The following TMEM87A variants were observed in gnomAD, a reference collection of about 807,000 sequenced individuals.
TMEM87A encodes the protein Golgi-pH regulating cation channel.
TMEM87A carries 50 observed loss-of-function variants against 90.0 expected under a neutral mutation model. That is an observed-to-expected ratio of 0.56 (90% CI 0.44 to 0.70). The LOEUF (loss-of-function observed/expected upper bound fraction) is 0.70. Among genes scored for constraint, TMEM87A ranks in the 30% least tolerant of loss-of-function variants. The pLI, the probability that TMEM87A is intolerant of heterozygous loss-of-function variation, is 0.00. For missense variants in TMEM87A, 577 were observed against 660.5 expected (o/e 0.87, Z 1.39); for synonymous variants, 226 against 226.7 (o/e 1.00, Z 0.03).
intron 4 of TMEM87A, 98 bp downstream of exon 4, chr15:42,263,992 A>G (rs928937070): frequency 5.7e-6 from 5 of 870,232 alleles, no homozygotes; most frequent in African/African-American, 1.7e-5. Flanking sequence ...ACTTCTGCCA[A>G]AAGAAATACT....
At chr15:42,223,445 T>C (rs2050533241) in intron 15 of TMEM87A, among the ~76,000 whole-genome samples, 1 of 152,214 alleles carries the variant, frequency 6.6e-6, no homozygotes, top group South Asian at 2.1e-4. Flanking sequence ...ACAGTCTGAA[T>C]GTCTGTCCCC....
At chr15:42,236,682 A>C (rs558912682) in intron 9 of TMEM87A, among the ~76,000 whole-genome samples, 1 of 152,280 alleles carries the variant, frequency 6.6e-6, no homozygotes, top group South Asian at 2.1e-4. Flanking sequence ...CTTTAACAGA[A>C]TACCTCACCC....
At chr15:42,271,782 T>C (rs2051530896) in intron 2 of TMEM87A, among the ~76,000 whole-genome samples, 1 of 151,196 alleles carries the variant, frequency 6.6e-6, no homozygotes, top group Admixed American at 6.6e-5. Context: ...CAATGTAGTA[T>C]ATACAGCATA....
In TMEM87A at chr15:42,244,030, A is replaced by T. The variant is rs893286319; in HGVS notation, c.622+20T>A. 16 of 1,307,760 alleles carry T rather than the reference A, an allele frequency of 1.2e-5. No homozygotes were observed. Among genetic ancestry groups the T allele is most frequent in the Non-Finnish European group, 1.7e-5 (16 of 953,910 alleles). 81.0% of individuals were successfully genotyped at this position (1,307,760 alleles called of 1,614,324 possible). On this transcript the variant is annotated intron_variant, in intron 7 of 19. Coordinates refer to ENST00000389834, the MANE Select transcript of TMEM87A (RefSeq NM_015497.5). ...ATAACCAGATAATAACATAACCATT[A>T]AAAAAAAAACTGAACTTACTGGTAA...
intron 1 of TMEM87A, chr15:42,272,989 C>T: frequency 4.8e-6 from 3 of 626,266 alleles, no homozygotes; most frequent in Non-Finnish European, 8.8e-6. Flanking sequence ...AAGTCAGGCA[C>T]TGAAAGTTCT....
Position 42,211,634 on chromosome 15 carries a change from C to T in TMEM87A, c.*74G>A, listed in dbSNP as rs919662145. On this transcript the variant is annotated 3_prime_UTR_variant, in exon 20 of 20. Transcript: ENST00000389834. ...ATTGCTTCCTTTAATCCCATGGAGC[C>T]GTACAGAAGACTGACACAGATGCTG... 20 of 1,419,400 alleles carry T rather than the reference C, an allele frequency of 1.4e-5. No homozygotes were observed. The highest frequency in any genetic ancestry group is 3.6e-5 in the Admixed American group (2 of 54,960). The allele number at this position is 1,419,400 out of a possible 1,614,324, so 87.9% of individuals were successfully genotyped here. A position where few individuals can be genotyped will look rare whatever the true frequency, so the allele number is the denominator to read the frequency against.
In TMEM87A at chr15:42,211,594, A is replaced by T; in HGVS notation, c.*114T>A. The T allele has an allele frequency of 9.6e-7, 1 of 1,036,894 alleles. No homozygotes were observed. Among genetic ancestry groups the T allele is most frequent in the Non-Finnish European group, 1.4e-6 (1 of 697,362 alleles). 64.2% of individuals were successfully genotyped at this position (1,036,894 alleles called of 1,614,324 possible). A position where few individuals can be genotyped will look rare whatever the true frequency, so the allele number is the denominator to read the frequency against. ...AACTCCAATGCCCAAAGATCAAGGA[A>T]CAGATCAGGATGTCATTGCTTCCTT... is the stretch of plus-strand genomic sequence containing the variant. On this transcript the variant is annotated 3_prime_UTR_variant, in exon 20 of 20. Transcript: ENST00000389834.
intron 6 of TMEM87A, among the ~76,000 whole-genome samples, chr15:42,255,775 GTT>G (rs762972516): frequency 2.2e-5 from 3 of 139,486 alleles, no homozygotes. Flanking sequence ...ATAGATTTTT[GTT>G]TTTTTTTTTT....
chr15:42,236,729 CATTT>C (rs1226059784), intron 9 of TMEM87A, among the ~76,000 whole-genome samples: 5 of 152,164 alleles, frequency 3.3e-5, no homozygotes, highest in Non-Finnish European at 5.9e-5. Flanking sequence ...CAATTTCCCC[CATTT>C]TTAAAAACTG....
At chr15:42,238,749 CTTTT>C (rs374648537) in intron 8 of TMEM87A, among the ~76,000 whole-genome samples, 1 of 119,596 alleles carries the variant, frequency 8.4e-6, no homozygotes, top group Non-Finnish European at 1.7e-5. Context: ...GTGAGACTCT[CTTTT>C]TTTTTTTTTT....
At chr15:42,261,363 A>G in intron 4 of TMEM87A, 114 bp from the exon 5 acceptor site, 2 of 715,240 alleles carry the variant, frequency 2.8e-6, no homozygotes, top group Admixed American at 3.4e-5. Flanking sequence ...ACTAGTAAAT[A>G]TAATAACACA....
intron 16 of TMEM87A, among the ~76,000 whole-genome samples, 174 bp downstream of exon 16, chr15:42,219,888 G>A (rs2050443398): frequency 6.6e-6 from 1 of 152,114 alleles, no homozygotes; most frequent in Admixed American, 6.5e-5. Flanking sequence ...TACTTAATGT[G>A]CAATTACTTA....
intron 12 of TMEM87A, among the ~76,000 whole-genome samples, chr15:42,230,490 A>G (rs555123985): frequency 6.6e-6 from 1 of 152,366 alleles, no homozygotes; most frequent in Admixed American, 6.5e-5. Flanking sequence ...TCAATAAGAT[A>G]AAGTCCAAAA....
At position 42,228,186 on chromosome 15, in the gene TMEM87A, C is replaced by T. The variant is rs927156886; in HGVS notation, c.1241-417G>A. 9.9e-5 allele frequency among the ~76,000 whole-genome samples: 15 copies of T among 152,206 alleles called. No homozygotes were observed. In the South Asian group the frequency reaches 2.9e-3, roughly 29 times the overall value. On this transcript the variant is annotated intron_variant, in intron 13 of 19. Transcript: ENST00000389834. Reference sequence around the variant, plus strand: ...AAAATGGCTGATAAAACGACTGTAACACAAACAGAAGAGCTAGTTCCAATC... The same window carrying T: ...AAAATGGCTGATAAAACGACTGTAATACAAACAGAAGAGCTAGTTCCAATC...
At chr15:42,271,962 C>T in intron 2 of TMEM87A, 101 bp downstream of exon 2, 3 of 963,062 alleles carry the variant, frequency 3.1e-6, no homozygotes, top group Non-Finnish European at 4.6e-6. Context: ...CTAGATAATG[C>T]CAGACTATTA....
intron 1 of TMEM87A, 104 bp from the exon 2 acceptor site, chr15:42,272,227 T>C (rs1226082922): frequency 2.7e-6 from 2 of 753,946 alleles, no homozygotes; most frequent in Non-Finnish European, 4.4e-6. Flanking sequence ...CTTAAATCTT[T>C]ATGGGACGTA....
intron 15 of TMEM87A, chr15:42,226,461 A>G (rs555535699): frequency 4.8e-4 from 119 of 245,652 alleles, no homozygotes; most frequent in South Asian, 3.3e-3. Flanking sequence ...ATGTAACTCA[A>G]TATCTGCTTT....
At chr15:42,264,539 AT>A (rs1028300412) in intron 3 of TMEM87A, among the ~76,000 whole-genome samples, 16 of 150,014 alleles carry the variant, frequency 1.1e-4, no homozygotes, top group African/African-American at 3.2e-4. Context: ...CAACAAAAAA[AT>A]ATTCATGCTC....
chr15:42,215,247 C>T (rs1344079009), intron 19 of TMEM87A, among the ~76,000 whole-genome samples: 1 of 152,110 alleles, frequency 6.6e-6, no homozygotes, highest in Admixed American at 6.5e-5. Flanking sequence ...CGCCTGTAAT[C>T]CCAGCATTTT....
Sources: gnomAD v4.1 joint callset for allele counts (sites outside exome capture counted in the v4.1 genomes callset) on GRCh38, gnomAD v4.1.1 for gene constraint, MANE v1.5 for transcripts, NCBI Gene and HGNC (gene_info 2026-07-23, HGNC 2026-07-21) for gene names.